Variants in PRKAA2 observed in about 807,000 individuals in gnomAD.
PRKAA2 encodes protein kinase AMP-activated catalytic subunit alpha 2.
PRKAA2 carries 40 observed loss-of-function variants against 56.3 expected under a neutral mutation model. That is an observed-to-expected ratio of 0.71 (90% CI 0.55 to 0.92). The LOEUF is 0.92. PRKAA2 is among the 40% of genes least tolerant of loss of function. The pLI is 0.00. For missense variants in PRKAA2, 542 were observed against 686.9 expected (o/e 0.79, Z 2.36); for synonymous variants, 214 against 234.2 (o/e 0.91, Z 0.79).
Position 56,707,520 on chromosome 1 carries a change from C to T in PRKAA2, c.1466C>T (p.Ser489Phe). 6.2e-7 allele frequency: 1 copy of T among 1,614,178 alleles called. No individual in the cohort carries two copies. The highest frequency in any genetic ancestry group is 8.5e-7 in the Non-Finnish European group (1 of 1,180,034). The change falls in exon 9 of 9, where the codon TCC (serine) becomes TTC (phenylalanine). Residue 489 changes from serine (S) to phenylalanine (F), a missense_variant. Around this residue, in one of 5 missense-constraint regions of PRKAA2, gnomAD observed 158 missense variants for 166.1 expected, o/e 0.95. Coordinates refer to ENST00000371244, the MANE Select transcript of PRKAA2 (RefSeq NM_006252.4). Reference protein sequence around the residue: ...QRSGSSTPQRSCSAAGLHRPR... With the variant: ...QRSGSSTPQRFCSAAGLHRPR... ...TCTGGTTCCTCAACACCTCAGCGTT[C>T]CTGTTCTGCTGCTGGCTTACACAGA...
chr1:56,701,490 G>A (rs993445601), intron 6 of PRKAA2, among the ~76,000 whole-genome samples: 1 of 152,096 alleles, frequency 6.6e-6, no homozygotes, highest in African/African-American at 2.4e-5. Context: ...ATAAACACAT[G>A]AATGAATTAT....
chr1:56,715,105 C>A lies in PRKAA2; in HGVS notation c.*7392C>A, dbSNP rs531897445. On this transcript the variant is annotated 3_prime_UTR_variant, in exon 9 of 9. Coordinates refer to ENST00000371244, the MANE Select transcript of PRKAA2 (RefSeq NM_006252.4). ...AAATTTCAGTTTTGTTTGTTATATACTTTTTGTGAGTGTTAAATGATATGG... is the reference window on the plus strand; with the variant it reads ...AAATTTCAGTTTTGTTTGTTATATAATTTTTGTGAGTGTTAAATGATATGG... 15 of 152,118 alleles carry A rather than the reference C, an allele frequency of 9.9e-5. No individual in the cohort carries two copies. The highest frequency in any genetic ancestry group is 3.6e-4 in the African/African-American group (15 of 41,524). 9.4% of individuals were successfully genotyped at this position (152,118 alleles called of 1,614,324 possible).
At chr1:56,706,001 C>T in intron 7 of PRKAA2, 91 bp from the exon 8 acceptor site, 2 of 1,110,598 alleles carry the variant, frequency 1.8e-6, no homozygotes, top group Non-Finnish European at 2.5e-6. Flanking sequence ...TCCTTTCCTA[C>T]CTCACCCCTA....
At chr1:56,657,676 A>AAAAT (rs57230699) in intron 1 of PRKAA2, among the ~76,000 whole-genome samples, 3,382 of 152,062 alleles carry the variant, frequency 0.022, 75 homozygotes, top group East Asian at 0.1. Context: ...ACTCCATCTC[A>AAAAT]AAATAAATAA....
intron 2 of PRKAA2, among the ~76,000 whole-genome samples, chr1:56,685,868 A>G (rs1299063700): frequency 6.6e-6 from 1 of 152,184 alleles, no homozygotes; most frequent in Non-Finnish European, 1.5e-5. Flanking sequence ...CAATATATTG[A>G]TTGTGTTTGT....
chr1:56,654,741 T>C (rs1291146978), intron 1 of PRKAA2, among the ~76,000 whole-genome samples: 3 of 152,176 alleles, frequency 2.0e-5, no homozygotes, highest in African/African-American at 4.8e-5. Flanking sequence ...TCTCTGCTAA[T>C]AATAGAAGCC....
intron 1 of PRKAA2, chr1:56,671,339 G>A (rs934976927): frequency 1.1e-4 from 16 of 152,134 alleles, no homozygotes; most frequent in Admixed American, 1.0e-3. Context: ...GGAGAGAGAC[G>A]TATTTGTTAG....
At chr1:56,682,295 G>A (rs888277494) in intron 2 of PRKAA2, among the ~76,000 whole-genome samples, 2 of 152,136 alleles carry the variant, frequency 1.3e-5, no homozygotes, top group Non-Finnish European at 2.9e-5. Context: ...GAAACATGGT[G>A]CTGTCACAGA....
chr1:56,693,436 T>A (rs1644241009), intron 4 of PRKAA2, among the ~76,000 whole-genome samples: 1 of 152,142 alleles, frequency 6.6e-6, no homozygotes, highest in African/African-American at 2.4e-5. Flanking sequence ...CTTTCAACTA[T>A]GGAAATAGGT....
chr1:56,658,499 C>T lies in PRKAA2; in HGVS notation c.94+13018C>T, dbSNP rs117354340. ...TACTGAATGCTAATACATTCTCCAA[C>T]GGTGTTAAAGAGTCTACTGAATGCT... On this transcript the variant is annotated intron_variant, in intron 1 of 8. Coordinates refer to ENST00000371244, the MANE Select transcript of PRKAA2 (RefSeq NM_006252.4). 3.5e-4 allele frequency among the ~76,000 whole-genome samples: 53 copies of T among 151,852 alleles called. No homozygotes were observed. In the East Asian group the frequency reaches 8.3e-3, roughly 24 times the overall value.
rs1482447341 is a variant in PRKAA2 at position 56,704,262 on chromosome 1, C to T, written c.1080C>T (p.Pro360=). Reference sequence around the variant, plus strand: ...TGGATGATAGTGCCATGCATATTCCCCCAGGCCTGAAACCTCATCCAGAAA... The same window carrying T: ...TGGATGATAGTGCCATGCATATTCCTCCAGGCCTGAAACCTCATCCAGAAA... The part of the protein sequence containing the change: ...SFMDDSAMHI[P]PGLKPHPERM... The change falls in exon 7 of 9, where the codon CCC becomes CCT. Residue 360 remains proline, a synonymous_variant. Coordinates refer to ENST00000371244, the MANE Select transcript of PRKAA2 (RefSeq NM_006252.4). 1 of 1,613,952 alleles carries T rather than the reference C, an allele frequency of 6.2e-7. No homozygotes were observed. Among genetic ancestry groups the T allele is most frequent in the African/African-American group, 1.3e-5 (1 of 74,886 alleles).
Position 56,713,772 on chromosome 1 carries a change from T to A in PRKAA2, c.*6059T>A, listed in dbSNP as rs1468138374. On this transcript the variant is annotated 3_prime_UTR_variant, in exon 9 of 9. Coordinates refer to ENST00000371244, the MANE Select transcript of PRKAA2 (RefSeq NM_006252.4). Reference sequence around the variant, plus strand: ...CGTGCATTTTTCACAGTTACACATTTAAGTTTTGCTACCAAAAATGGCCAT... The same window carrying A: ...CGTGCATTTTTCACAGTTACACATTAAAGTTTTGCTACCAAAAATGGCCAT... 6.7e-6 allele frequency: 1 copy of A among 149,222 alleles called. No individual in the cohort carries two copies. Among genetic ancestry groups the A allele is most frequent in the Non-Finnish European group, 1.5e-5 (1 of 67,690 alleles). 9.2% of individuals were successfully genotyped at this position (149,222 alleles called of 1,614,324 possible).
chr1:56,670,290 A>G (rs879837830), intron 1 of PRKAA2, among the ~76,000 whole-genome samples: 5 of 152,232 alleles, frequency 3.3e-5, no homozygotes, highest in Admixed American at 1.3e-4. Flanking sequence ...GGCTTAAACA[A>G]ATAGCAGTAT....
intron 1 of PRKAA2, among the ~76,000 whole-genome samples, chr1:56,667,218 T>C (rs1343574095): frequency 6.6e-6 from 1 of 152,198 alleles, no homozygotes; most frequent in Non-Finnish European, 1.5e-5. Flanking sequence ...AACTTATCTA[T>C]GCTCGTTCCT....
At position 56,696,034 on chromosome 1, in the gene PRKAA2, G is replaced by A. The variant is rs1193150275; in HGVS notation, c.663G>A (p.Thr221=). 2.5e-6 allele frequency: 4 copies of A among 1,612,374 alleles called. No individual in the cohort carries two copies. The highest frequency in any genetic ancestry group is 1.7e-6 in the Non-Finnish European group (2 of 1,179,730). Reference sequence around the variant, plus strand: ...CATTTGATGATGAGCATGTACCTACGTTATTTAAGAAGATCCGAGGGGGTG... The same window carrying A: ...CATTTGATGATGAGCATGTACCTACATTATTTAAGAAGATCCGAGGGGGTG... ...TLPFDDEHVP[T]LFKKIRGGVF... Residue 221 remains threonine, a synonymous_variant, in exon 6 of 9, where the codon ACG becomes ACA. Transcript: ENST00000371244.
At chr1:56,697,814 T>A (rs1366349861) in intron 6 of PRKAA2, among the ~76,000 whole-genome samples, 1 of 148,702 alleles carries the variant, frequency 6.7e-6, no homozygotes, top group African/African-American at 2.6e-5. Context: ...ATTTTTTTTT[T>A]ATTAAAAAAA....
At chr1:56,705,343 A>C (rs1313163752) in intron 7 of PRKAA2, among the ~76,000 whole-genome samples, 1 of 152,130 alleles carries the variant, frequency 6.6e-6, no homozygotes, top group Non-Finnish European at 1.5e-5. Flanking sequence ...AACATTTTGA[A>C]ATTAGTACCA....
chr1:56,649,906 C>T (rs1194635431), intron 1 of PRKAA2, among the ~76,000 whole-genome samples: 2 of 152,096 alleles, frequency 1.3e-5, no homozygotes, highest in African/African-American at 4.8e-5. Flanking sequence ...AACAACCTGG[C>T]TAACATGGTG....
chr1:56,677,338 G>A (rs1421172537), intron 2 of PRKAA2, among the ~76,000 whole-genome samples: 2 of 152,138 alleles, frequency 1.3e-5, no homozygotes, highest in Non-Finnish European at 2.9e-5. Context: ...TAGTTACTGG[G>A]TAACATCTAA....
Sources: allele counts gnomAD v4.1 joint callset (sites outside exome capture counted in the v4.1 genomes callset), GRCh38; gene constraint gnomAD v4.1.1; regional missense constraint gnomAD v4.1.1; transcripts MANE v1.5; gene names NCBI Gene and HGNC (gene_info 2026-07-23, HGNC 2026-07-21).